The following PDCD6 variants were observed in gnomAD, a reference collection of about 807,000 sequenced individuals.
The protein encoded by PDCD6 is programmed cell death protein 6.
PDCD6 carries 12 observed loss-of-function variants against 28.3 expected under a neutral mutation model. The ratio of observed to expected loss-of-function variants is 0.42; its 90% CI spans 0.27 to 0.69. PDCD6 has a LOEUF of 0.69. Among genes scored for constraint, PDCD6 ranks in the 30% least tolerant of loss-of-function variants. The pLI, the probability that PDCD6 is intolerant of heterozygous loss-of-function variation, is 0.22. For missense variants in PDCD6, 226 were observed against 269.9 expected (o/e 0.84, Z 1.14); for synonymous variants, 92 against 108.0 (o/e 0.85, Z 0.92).
At chr5:286,512 C>T (rs535149942) in intron 2 of PDCD6, among the ~76,000 whole-genome samples, 22 of 148,094 alleles carry the variant, frequency 1.5e-4, no homozygotes, top group Non-Finnish European at 3.0e-4. Flanking sequence ...GCCGGAGACC[C>T]GGGGATGTGC....
At position 314,635 on chromosome 5, in the gene PDCD6, G is replaced by T. The variant is rs748336524; in HGVS notation, c.*120G>T. ...CTGTTCTTCCTTTAGATTTTGTCAC[G>T]TGGGGACCCAGCTGTACATATGTGG... On this transcript the variant is annotated 3_prime_UTR_variant, in exon 6 of 6. Transcript: ENST00000264933. 2.0e-5 allele frequency: 15 copies of T among 749,964 alleles called. No individual in the cohort carries two copies. The highest frequency in any genetic ancestry group is 3.1e-5 in the Non-Finnish European group (13 of 422,802). 46.5% of individuals were successfully genotyped at this position (749,964 alleles called of 1,614,324 possible). A position where few individuals can be genotyped will look rare whatever the true frequency, so the allele number is the denominator to read the frequency against.
At position 276,368 on chromosome 5, in the gene PDCD6, GC is replaced by G. The variant is rs202145284; in HGVS notation, c.163+3597del. The G allele has an allele frequency of 1.9e-4, 200 of 1,026,422 alleles. 2 individuals are homozygous for G. The East Asian group carries it at 0.017, about 85-fold the overall frequency. The allele number at this position is 1,026,422 out of a possible 1,614,324, so 63.6% of individuals were successfully genotyped here. A position where few individuals can be genotyped will look rare whatever the true frequency, so the allele number is the denominator to read the frequency against. The stretch of plus-strand genomic sequence containing the variant: ...CCCTCTCACTACTAGGTTGTGAGCT[GC>G]GTGAAGGAAGGTTCATAGTTGTGTT... On this transcript the variant is annotated intron_variant, in intron 2 of 5. Transcript: ENST00000264933.
At chr5:279,851 G>A (rs770495539) in intron 2 of PDCD6, among the ~76,000 whole-genome samples, 1 of 150,012 alleles carries the variant, frequency 6.7e-6, no homozygotes, top group African/African-American at 2.5e-5. Context: ...GGCAAAAACT[G>A]CGATGACTTG....
At chr5:312,904 G>C (rs184256688) in intron 5 of PDCD6, among the ~76,000 whole-genome samples, 2 of 151,142 alleles carry the variant, frequency 1.3e-5, no homozygotes, top group African/African-American at 4.9e-5. Flanking sequence ...TTGAGGTTCT[G>C]TGTCTGAATT....
chr5:278,686 C>G (rs1156667531), intron 2 of PDCD6, among the ~76,000 whole-genome samples: 1 of 151,192 alleles, frequency 6.6e-6, no homozygotes, highest in Non-Finnish European at 1.5e-5. Flanking sequence ...GCACTCCAGC[C>G]TGGGTGACAG....
intron 2 of PDCD6, among the ~76,000 whole-genome samples, chr5:281,596 T>A (rs1738565547): frequency 6.6e-6 from 1 of 151,928 alleles, no homozygotes; most frequent in Non-Finnish European, 1.5e-5. Flanking sequence ...TGGTGGGTCG[T>A]AGAGCTGGAG....
At position 307,492 on chromosome 5, in the gene PDCD6, T is replaced by C. The variant is rs1740600310; in HGVS notation, c.367+732T>C. 6.6e-6 allele frequency among the ~76,000 whole-genome samples: 1 copy of C among 152,216 alleles called. No homozygotes were observed. The highest frequency in any genetic ancestry group is 1.5e-5 in the Non-Finnish European group (1 of 68,030). ...ACGGTGTGCCGTGGGTCTAGGAGTG[T>C]TCACAGTGCCTGTCCAGAGTGCGTC... On this transcript the variant is annotated intron_variant, in intron 4 of 5. Coordinates refer to ENST00000264933, the MANE Select transcript of PDCD6 (RefSeq NM_013232.4). This position sits in a 1 kb window ranked among gnomAD's most constrained non-coding sequence, Gnocchi z 6.1.
chr5:272,166 C>T (rs1032218093), intron 1 of PDCD6, among the ~76,000 whole-genome samples: 2 of 150,426 alleles, frequency 1.3e-5, no homozygotes, highest in Non-Finnish European at 1.5e-5. Context: ...GCCACCGGCT[C>T]CTGGGCTAGG....
chr5:282,734 G>C (rs112605417), intron 2 of PDCD6, among the ~76,000 whole-genome samples: 511 of 113,234 alleles, frequency 4.5e-3, no homozygotes, highest in African/African-American at 0.015. Flanking sequence ...TAGGGTCATG[G>C]AACTGGAGAC....
chr5:287,931 C>T (rs1219825855), intron 2 of PDCD6, among the ~76,000 whole-genome samples: 2 of 152,276 alleles, frequency 1.3e-5, no homozygotes, highest in Admixed American at 6.5e-5. Flanking sequence ...GAGATGGCCT[C>T]ATATCAGCTT....
chr5:291,905 A>T (rs1042294320), intron 2 of PDCD6, among the ~76,000 whole-genome samples: 4 of 152,232 alleles, frequency 2.6e-5, no homozygotes, highest in African/African-American at 9.6e-5. Flanking sequence ...TCTGGTCAGT[A>T]GCTTTCAAGT....
chr5:300,064 T>G (rs1354583948), intron 2 of PDCD6, among the ~76,000 whole-genome samples: 1 of 152,142 alleles, frequency 6.6e-6, no homozygotes, highest in Non-Finnish European at 1.5e-5. Flanking sequence ...TCTGCCTATG[T>G]GGGAAGGGGT....
chr5:279,216 ACG>A (rs1561031275), intron 2 of PDCD6, among the ~76,000 whole-genome samples: 1 of 151,862 alleles, frequency 6.6e-6, no homozygotes, highest in African/African-American at 2.4e-5. Context: ...TAAGAGTATG[ACG>A]CAGCCGCATC....
chr5:302,431 T>C (rs11743731), intron 2 of PDCD6, among the ~76,000 whole-genome samples: 1 of 101,420 alleles, frequency 9.9e-6, no homozygotes, highest in Admixed American at 9.0e-5. Flanking sequence ...CACCTGCCTT[T>C]GTGGGGAGAG....
chr5:311,267 T>C (rs1740896478), intron 4 of PDCD6, 26 bp from the exon 5 acceptor site: 1 of 1,582,668 alleles, frequency 6.3e-7, no homozygotes, highest in African/African-American at 1.3e-5. Context: ...CCCAGCCTTC[T>C]CTGACTCTGA....
intron 2 of PDCD6, among the ~76,000 whole-genome samples, chr5:277,515 A>G (rs1415007905): frequency 4.6e-5 from 7 of 151,572 alleles, no homozygotes; most frequent in Non-Finnish European, 7.4e-5. Context: ...GTCAGCCAGG[A>G]TGGTCTCGAT....
At chr5:283,321 G>A (rs181001498) in intron 2 of PDCD6, among the ~76,000 whole-genome samples, 13 of 152,238 alleles carry the variant, frequency 8.5e-5, no homozygotes, top group Admixed American at 1.3e-4. Context: ...ACTCAGGCAG[G>A]AGCTGATGTT....
chr5:272,058 G>A (rs1333075699), intron 1 of PDCD6, among the ~76,000 whole-genome samples: 2 of 149,724 alleles, frequency 1.3e-5, no homozygotes, highest in African/African-American at 4.9e-5. Context: ...TCCGCTGCCC[G>A]GTCTCCTGGG....
At chr5:284,763 T>C (rs1304942127) in intron 2 of PDCD6, among the ~76,000 whole-genome samples, 1 of 148,766 alleles carries the variant, frequency 6.7e-6, no homozygotes, top group Non-Finnish European at 1.5e-5. Context: ...GGGGAGCTCA[T>C]GTTCCAGTTT....
Sources: allele counts gnomAD v4.1 joint callset (sites outside exome capture counted in the v4.1 genomes callset), GRCh38; gene constraint gnomAD v4.1.1; non-coding constraint Gnocchi (gnomAD v3.1); transcripts MANE v1.5; gene names NCBI Gene and HGNC (gene_info 2026-07-23, HGNC 2026-07-21).